Variants in PTPN4 observed in about 807,000 individuals in gnomAD.
PTPN4 encodes the protein protein tyrosine phosphatase non-receptor type 4.
A neutral mutation model predicts 135.5 loss-of-function variants in PTPN4; 49 were observed. The ratio of observed to expected loss-of-function variants is 0.36; its 90% CI spans 0.29 to 0.46. The LOEUF (loss-of-function observed/expected upper bound fraction) is 0.46. Ranked by LOEUF, PTPN4 falls within the 20% of genes least tolerant of loss-of-function variation. The pLI is 1.00. For synonymous variants in PTPN4, 333 were observed against 369.9 expected (o/e 0.90, Z 1.14); for missense variants, 860 against 1,101.0 (o/e 0.78, Z 3.10).
chr2:119,879,103 A>G (rs897804394), intron 5 of PTPN4, among the ~76,000 whole-genome samples: 1 of 151,852 alleles, frequency 6.6e-6, no homozygotes, highest in Non-Finnish European at 1.5e-5. Flanking sequence ...AAAAAAAAAA[A>G]AAACAAAAAT....
chr2:119,812,300 T>C (rs141065872), intron 2 of PTPN4, among the ~76,000 whole-genome samples: 2 of 152,278 alleles, frequency 1.3e-5, no homozygotes, highest in Non-Finnish European at 2.9e-5. Context: ...CAGAAATCCT[T>C]TGTGGGCAGC....
intron 15 of PTPN4, among the ~76,000 whole-genome samples, chr2:119,942,678 G>C (rs892875230): frequency 6.6e-6 from 1 of 152,066 alleles, no homozygotes; most frequent in African/African-American, 2.4e-5. Context: ...AATTACTTCT[G>C]GTATTTGTAA....
chr2:119,773,433 T>C (rs954058614), intron 1 of PTPN4, among the ~76,000 whole-genome samples: 1 of 152,046 alleles, frequency 6.6e-6, no homozygotes, highest in African/African-American at 2.4e-5. Flanking sequence ...TATCAAGACT[T>C]TTTTTCAATT....
chr2:119,947,767 C>CACACAT (rs1679156727), intron 18 of PTPN4, among the ~76,000 whole-genome samples: 1 of 150,560 alleles, frequency 6.6e-6, no homozygotes. Flanking sequence ...CACTACCACA[C>CACACAT]ACACACACAC....
At chr2:119,870,234 C>T (rs886871674) in intron 3 of PTPN4, among the ~76,000 whole-genome samples, 2 of 151,990 alleles carry the variant, frequency 1.3e-5, no homozygotes, top group South Asian at 4.2e-4. Context: ...TAGCAAATCA[C>T]GTTTTTTTTA....
chr2:119,882,447 T>A, intron 7 of PTPN4, 56 bp from the exon 8 acceptor site: 1 of 1,401,654 alleles, frequency 7.1e-7, no homozygotes, highest in Non-Finnish European at 9.6e-7. Context: ...CTGATTTGAC[T>A]ATAATAATTT....
At chr2:119,928,035 T>A (rs1476443829) in intron 13 of PTPN4, among the ~76,000 whole-genome samples, 2 of 152,190 alleles carry the variant, frequency 1.3e-5, no homozygotes, top group African/African-American at 2.4e-5. Context: ...TTTAAAAAAA[T>A]TTTGATACTC....
chr2:119,893,722 CA>C, intron 9 of PTPN4, among the ~76,000 whole-genome samples: 2 of 152,248 alleles, frequency 1.3e-5, no homozygotes, highest in East Asian at 3.9e-4. Context: ...TTCTTTCTAT[CA>C]AAGACACAAA....
At chr2:119,878,438 A>G (rs1678017480) in intron 5 of PTPN4, among the ~76,000 whole-genome samples, 1 of 152,232 alleles carries the variant, frequency 6.6e-6, no homozygotes, top group African/African-American at 2.4e-5. Context: ...TCTAAAAGAT[A>G]GGTGTCAAAA....
At chr2:119,851,804 C>T (rs1020718495) in intron 2 of PTPN4, among the ~76,000 whole-genome samples, 10 of 152,176 alleles carry the variant, frequency 6.6e-5, no homozygotes, top group South Asian at 2.1e-4. Flanking sequence ...TCCCTGCCTC[C>T]GGCTGCTGAA....
At chr2:119,898,282 T>C (rs1678353511) in intron 9 of PTPN4, among the ~76,000 whole-genome samples, 3 of 152,208 alleles carry the variant, frequency 2.0e-5, no homozygotes, top group Non-Finnish European at 4.4e-5. Context: ...GACTTTGGTT[T>C]GGTTTGGCTT....
At chr2:119,862,134 G>T (rs530249984) in intron 2 of PTPN4, among the ~76,000 whole-genome samples, 101 of 152,144 alleles carry the variant, frequency 6.6e-4, no homozygotes, top group African/African-American at 2.2e-3. Flanking sequence ...AAAAAATATC[G>T]TGATAGCCTG....
rs949788425 is a variant in PTPN4 at position 119,983,069 on chromosome 2, T to C, written c.*5999T>C. On this transcript the variant is annotated 3_prime_UTR_variant, in exon 27 of 27. Coordinates refer to ENST00000263708, the MANE Select transcript of PTPN4 (RefSeq NM_002830.4). ...ATTTCTCTTTCCACGTCTCCAACTT[T>C]TTAAAAATCACTAATTTAACTCTTT... The C allele has an allele frequency of 6.6e-6, 1 of 152,186 alleles. No homozygotes were observed. The highest frequency in any genetic ancestry group is 1.5e-5 in the Non-Finnish European group (1 of 68,028). 9.4% of individuals were successfully genotyped at this position (152,186 alleles called of 1,614,324 possible). A position where few individuals can be genotyped will look rare whatever the true frequency, so the allele number is the denominator to read the frequency against.
intron 2 of PTPN4, among the ~76,000 whole-genome samples, chr2:119,828,917 A>G (rs1574356181): frequency 2.0e-5 from 3 of 152,236 alleles, no homozygotes; most frequent in Non-Finnish European, 4.4e-5. Flanking sequence ...TGGGACCACC[A>G]TAGTATATGC....
chr2:119,910,212 T>A (rs1373222067), intron 10 of PTPN4, among the ~76,000 whole-genome samples: 1 of 152,102 alleles, frequency 6.6e-6, no homozygotes, highest in Non-Finnish European at 1.5e-5. Flanking sequence ...AGGGCTCAGA[T>A]GATCATTAGA....
chr2:119,784,903 TTTATCAGTC>T (rs1218687732), intron 1 of PTPN4, among the ~76,000 whole-genome samples: 3 of 151,926 alleles, frequency 2.0e-5, no homozygotes, highest in Non-Finnish European at 4.4e-5. Flanking sequence ...AGTTTCTAGT[TTTATCAGTC>T]TGGGTTCCTC....
At chr2:119,868,173 G>A (rs901372748) in intron 3 of PTPN4, among the ~76,000 whole-genome samples, 1 of 152,002 alleles carries the variant, frequency 6.6e-6, no homozygotes, top group African/African-American at 2.4e-5. Context: ...CTCTGACAAA[G>A]GACATTTAAT....
chr2:119,794,000 T>G (rs1691205274), intron 1 of PTPN4, among the ~76,000 whole-genome samples: 1 of 151,776 alleles, frequency 6.6e-6, no homozygotes, highest in Admixed American at 6.6e-5. Context: ...CGTGCCACCA[T>G]GCCTAGCTAA....
intron 9 of PTPN4, among the ~76,000 whole-genome samples, chr2:119,889,413 C>CT (rs1678208782): frequency 6.6e-6 from 1 of 152,084 alleles, no homozygotes; most frequent in African/African-American, 2.4e-5. Flanking sequence ...GAGAGAGACT[C>CT]TGTCTCAAAA....
Sources: allele counts gnomAD v4.1 joint callset (sites outside exome capture counted in the v4.1 genomes callset), GRCh38; gene constraint gnomAD v4.1.1; transcripts MANE v1.5; gene names NCBI Gene and HGNC (gene_info 2026-07-23, HGNC 2026-07-21).